Variants in PTK7 observed in about 807,000 individuals in gnomAD.
PTK7 encodes the protein inactive tyrosine-protein kinase 7.
PTK7 carries 39 observed loss-of-function variants against 116.6 expected under a neutral mutation model. The observed-to-expected ratio is 0.33, with a 90% CI of 0.26 to 0.44. The LOEUF is 0.44. Among genes scored for constraint, PTK7 ranks in the 20% least tolerant of loss-of-function variants. PTK7 has a pLI of 1.00. For missense variants in PTK7, 1,169 were observed against 1,425.6 expected (o/e 0.82, Z 2.90); for synonymous variants, 546 against 563.6 (o/e 0.97, Z 0.44).
chr6:43,118,102 CTTT>C (rs10591741), intron 1 of PTK7, among the ~76,000 whole-genome samples: 8 of 123,126 alleles, frequency 6.5e-5, no homozygotes, highest in Non-Finnish European at 1.0e-4. Context: ...TCAGATGGGC[CTTT>C]TTTTTTTTTT....
In PTK7 at chr6:43,158,987, G is replaced by T. The variant is rs760604348; in HGVS notation, c.2873+19G>T. ...ACAACAGGTAGAAGGGCATGCGTGG[G>T]GTGGGGGCTCCCCATTTTTTCCCAG... On this transcript the variant is annotated intron_variant, in intron 18 of 19. Coordinates refer to ENST00000230419, the MANE Select transcript of PTK7 (RefSeq NM_002821.5). 1 of 1,611,818 alleles carries T rather than the reference G, an allele frequency of 6.2e-7. No individual in the cohort carries two copies. The highest frequency in any genetic ancestry group is 1.1e-5 in the South Asian group (1 of 91,054).
intron 18 of PTK7, among the ~76,000 whole-genome samples, chr6:43,159,357 A>G (rs1384476226): frequency 6.6e-6 from 1 of 152,162 alleles, no homozygotes; most frequent in Non-Finnish European, 1.5e-5. Context: ...ACAGCCTACG[A>G]GGGCTCTGCA....
chr6:43,087,212 G>A (rs751223492), intron 1 of PTK7, among the ~76,000 whole-genome samples: 14 of 152,180 alleles, frequency 9.2e-5, no homozygotes, highest in Non-Finnish European at 1.2e-4. Context: ...GTATATCTGT[G>A]GCTGCTGAAG....
chr6:43,096,176 T>C (rs909557517), intron 1 of PTK7, among the ~76,000 whole-genome samples: 3 of 152,182 alleles, frequency 2.0e-5, no homozygotes, highest in African/African-American at 7.2e-5. Flanking sequence ...GCCTGCTATC[T>C]CAGCCTCGGG....
At chr6:43,118,634 T>C (rs1205489657) in intron 1 of PTK7, among the ~76,000 whole-genome samples, 1 of 76,620 alleles carries the variant, frequency 1.3e-5, no homozygotes, top group East Asian at 3.2e-4. Flanking sequence ...TCTCTCTCTC[T>C]CTCTCTCTCT....
intron 1 of PTK7, among the ~76,000 whole-genome samples, chr6:43,101,070 T>C (rs905761460): frequency 2.0e-5 from 3 of 150,824 alleles, no homozygotes; most frequent in Non-Finnish European, 4.4e-5. Context: ...CCGTCTCTAC[T>C]AAAAATACAA....
intron 19 of PTK7, 32 bp from the exon 20 acceptor site, chr6:43,160,689 G>A (rs754011382): frequency 1.2e-6 from 2 of 1,610,062 alleles, no homozygotes; most frequent in Non-Finnish European, 1.7e-6. Flanking sequence ...TGAATGTTTT[G>A]GCCAACACTG....
At chr6:43,152,662 G>T (rs1771188305) in intron 17 of PTK7, among the ~76,000 whole-genome samples, 1 of 152,254 alleles carries the variant, frequency 6.6e-6, no homozygotes, top group Non-Finnish European at 1.5e-5. Context: ...CAATATAGTT[G>T]TCACTAGCTT....
intron 1 of PTK7, among the ~76,000 whole-genome samples, chr6:43,116,802 A>G (rs1478584756): frequency 1.3e-5 from 2 of 152,098 alleles, no homozygotes; most frequent in Non-Finnish European, 2.9e-5. Flanking sequence ...GTAGACTTCA[A>G]CTATGTTTTT....
intron 1 of PTK7, among the ~76,000 whole-genome samples, chr6:43,095,345 C>A (rs1263203830): frequency 1.3e-5 from 2 of 152,144 alleles, no homozygotes; most frequent in Non-Finnish European, 2.9e-5. Flanking sequence ...GCACTCCAGC[C>A]TGGGCAACAA....
At chr6:43,114,824 G>A (rs552913073) in intron 1 of PTK7, among the ~76,000 whole-genome samples, 22 of 152,062 alleles carry the variant, frequency 1.4e-4, no homozygotes, top group Non-Finnish European at 3.1e-4. Context: ...CGGATTGCCT[G>A]AGGTCAGGAG....
intron 1 of PTK7, among the ~76,000 whole-genome samples, chr6:43,080,878 G>A (rs1012963947): frequency 6.6e-6 from 1 of 151,836 alleles, no homozygotes; most frequent in Non-Finnish European, 1.5e-5. Context: ...GGAGGTGGAG[G>A]TTGCAGTGAG....
At chr6:43,089,323 C>A (rs542809229) in intron 1 of PTK7, among the ~76,000 whole-genome samples, 1 of 152,278 alleles carries the variant, frequency 6.6e-6, no homozygotes, top group African/African-American at 2.4e-5. Context: ...AGGGACAACT[C>A]TAGTGATCTG....
intron 13 of PTK7, chr6:43,142,533 G>A: frequency 1.5e-6 from 1 of 684,694 alleles, no homozygotes; most frequent in Non-Finnish European, 2.6e-6. Flanking sequence ...TGGGGGAGTG[G>A]GGGGGTGTTC....
chr6:43,120,428 G>T (rs1768888769), intron 1 of PTK7, among the ~76,000 whole-genome samples: 1 of 152,222 alleles, frequency 6.6e-6, no homozygotes, highest in Admixed American at 6.5e-5. Context: ...GGCAGGAGAT[G>T]GCAGAGGCAG....
In PTK7 at chr6:43,143,687, A is replaced by G. The variant is rs1341167416; in HGVS notation, c.2251+67A>G. On this transcript the variant is annotated intron_variant, in intron 14 of 19. Coordinates refer to ENST00000230419, the MANE Select transcript of PTK7 (RefSeq NM_002821.5). The surrounding 1 kb of genome is among the most constrained non-coding windows in gnomAD (Gnocchi z 4.2). The stretch of plus-strand genomic sequence containing the variant: ...GCTGAGCGCCCTCCCGCGGCCACGG[A>G]GGGGAGAGCGCCAGCACTCTGGAAA... The G allele has an allele frequency of 2.0e-6, 3 of 1,522,770 alleles. No homozygotes were observed. Among genetic ancestry groups the G allele is most frequent in the Non-Finnish European group, 2.7e-6 (3 of 1,127,948 alleles). 94.3% of individuals were successfully genotyped at this position (1,522,770 alleles called of 1,614,324 possible). A position where few individuals can be genotyped will look rare whatever the true frequency, so the allele number is the denominator to read the frequency against.
Position 43,138,699 on chromosome 6 carries a change from G to A in PTK7, c.1229-150G>A, listed in dbSNP as rs771828317. 1.7e-3 allele frequency: 1,904 copies of A among 1,108,690 alleles called. 6 individuals carry two copies. The highest frequency in any genetic ancestry group is 2.2e-3 in the Non-Finnish European group (1,763 of 798,962). 68.7% of individuals were successfully genotyped at this position (1,108,690 alleles called of 1,614,324 possible). A position where few individuals can be genotyped will look rare whatever the true frequency, so the allele number is the denominator to read the frequency against. Reference sequence around the variant, plus strand: ...ATTTTAAAAAAGGTGCTGGCACCTGGGTCTTCCGTAAAGGGAAACTCCTGC... The same window carrying A: ...ATTTTAAAAAAGGTGCTGGCACCTGAGTCTTCCGTAAAGGGAAACTCCTGC... On this transcript the variant is annotated intron_variant, in intron 7 of 19. Coordinates refer to ENST00000230419, the MANE Select transcript of PTK7 (RefSeq NM_002821.5).
intron 7 of PTK7, among the ~76,000 whole-genome samples, chr6:43,135,595 A>G (rs540076194): frequency 9.2e-5 from 14 of 152,244 alleles, no homozygotes; most frequent in Non-Finnish European, 1.3e-4. Context: ...GGAGCCAGCC[A>G]TGTGATAGGC....
At position 43,158,785 on chromosome 6, in the gene PTK7, G is replaced by A. The variant is rs1304726411; in HGVS notation, c.2722-32G>A. The stretch of plus-strand genomic sequence containing the variant: ...GTGGTCATCTTGATGCCTATTCCTG[G>A]GCTGCTCTAACAGGCCCCTTTATCT... On this transcript the variant is annotated intron_variant, in intron 17 of 19. Coordinates refer to ENST00000230419, the MANE Select transcript of PTK7 (RefSeq NM_002821.5). 2.5e-6 allele frequency: 4 copies of A among 1,606,508 alleles called. No individual in the cohort carries two copies. In the African/African-American group the frequency reaches 4.0e-5, roughly 16 times the overall value.
Sources: allele counts gnomAD v4.1 joint callset (sites outside exome capture counted in the v4.1 genomes callset), GRCh38; gene constraint gnomAD v4.1.1; non-coding constraint Gnocchi (gnomAD v3.1); transcripts MANE v1.5; gene names NCBI Gene and HGNC (gene_info 2026-07-23, HGNC 2026-07-21).